IGF2BP2: variants seen among roughly 807,000 people sequenced by gnomAD.
The protein encoded by IGF2BP2 is insulin-like growth factor 2 mRNA-binding protein 2.
Under a neutral mutation model 75.8 loss-of-function variants are expected in IGF2BP2, and 17 were observed. The ratio of observed to expected loss-of-function variants is 0.22; its 90% CI spans 0.15 to 0.34. The LOEUF (loss-of-function observed/expected upper bound fraction) is 0.34. Among genes scored for constraint, IGF2BP2 ranks in the 10% least tolerant of loss-of-function variants. The pLI is 1.00. For missense variants in IGF2BP2, 516 were observed against 772.4 expected (o/e 0.67, Z 3.93); for synonymous variants, 288 against 295.6 (o/e 0.97, Z 0.26).
chr3:185,676,269 A>G (rs1259877197), intron 7 of IGF2BP2, among the ~76,000 whole-genome samples: 1 of 152,182 alleles, frequency 6.6e-6, no homozygotes, highest in African/African-American at 2.4e-5. Context: ...AGGAAGCCAC[A>G]GGTCTCTTTC....
chr3:185,739,179 G>A (rs759129654), intron 2 of IGF2BP2, among the ~76,000 whole-genome samples: 2 of 152,090 alleles, frequency 1.3e-5, no homozygotes, highest in East Asian at 1.9e-4. Flanking sequence ...GGATTACAAC[G>A]GTGGACTTAA....
intron 13 of IGF2BP2, among the ~76,000 whole-genome samples, chr3:185,650,576 T>C (rs1000052071): frequency 8.6e-5 from 13 of 151,828 alleles, no homozygotes; most frequent in African/African-American, 3.1e-4. Context: ...ACTCAGGAGG[T>C]TGAAGCACGA....
chr3:185,770,943 G>A (rs919401033), intron 2 of IGF2BP2, among the ~76,000 whole-genome samples: 4 of 152,238 alleles, frequency 2.6e-5, no homozygotes, highest in African/African-American at 9.6e-5. Context: ...TAGAGAGGGA[G>A]ACTCACTATG....
intron 4 of IGF2BP2, among the ~76,000 whole-genome samples, chr3:185,695,756 C>G (rs1407344180): frequency 6.6e-6 from 1 of 152,156 alleles, no homozygotes; most frequent in Non-Finnish European, 1.5e-5. Flanking sequence ...GACAGGTGTT[C>G]TCAAACTTGA....
At chr3:185,650,596 G>A (rs182383746) in intron 13 of IGF2BP2, among the ~76,000 whole-genome samples, 18 of 151,860 alleles carry the variant, frequency 1.2e-4, no homozygotes, top group Non-Finnish European at 2.6e-4. Flanking sequence ...ACAATCACTT[G>A]AACCCGAGAG....
At position 185,824,954 on chromosome 3, in the gene IGF2BP2, T is replaced by C; in HGVS notation, c.7A>G (p.Asn3Asp). 1 of 1,534,700 alleles carries C rather than the reference T, an allele frequency of 6.5e-7. No homozygotes were observed. Among genetic ancestry groups the C allele is most frequent in the Non-Finnish European group, 8.8e-7 (1 of 1,132,860 alleles). Residue 3 changes from asparagine (N) to aspartate (D), a missense_variant, in exon 1 of 16, where the codon AAC becomes GAC. Physicochemically the swap from Asn to Asp is conservative, Grantham distance 23. Transcript: ENST00000382199. ...CTCAGGTTCCCGATGTAAAGCTTGT[T>C]CATCATCCGTCTCTTCCCCGAGAGC... is the stretch of plus-strand genomic sequence containing the variant. Reference protein sequence around the residue: MMNKLYIGNLSPA... With the variant: MMDKLYIGNLSPA...
intron 2 of IGF2BP2, among the ~76,000 whole-genome samples, chr3:185,768,890 G>C (rs1284961551): frequency 6.6e-6 from 1 of 152,178 alleles, no homozygotes; most frequent in African/African-American, 2.4e-5. Context: ...AGCCAGATGT[G>C]GTGGCATGCG....
chr3:185,744,787 A>C (rs757606413), intron 2 of IGF2BP2, among the ~76,000 whole-genome samples: 2 of 152,200 alleles, frequency 1.3e-5, no homozygotes, highest in African/African-American at 2.4e-5. Flanking sequence ...CCAGGCGGGG[A>C]GACAGAGTGA....
intron 2 of IGF2BP2, among the ~76,000 whole-genome samples, chr3:185,706,005 C>T (rs747912770): frequency 3.3e-5 from 5 of 152,198 alleles, no homozygotes; most frequent in Non-Finnish European, 7.3e-5. Flanking sequence ...TACTAGCTCA[C>T]AAAAAGACCT....
chr3:185,664,453 G>A (rs1208206582), intron 10 of IGF2BP2, among the ~76,000 whole-genome samples: 1 of 152,206 alleles, frequency 6.6e-6, no homozygotes, highest in Non-Finnish European at 1.5e-5. Flanking sequence ...TCACCAGCAT[G>A]AAGGAGAGAA....
At position 185,649,460 on chromosome 3, in the gene IGF2BP2, C is replaced by A. The variant is rs757747673; in HGVS notation, c.1536G>T (p.Ala512=). ...FNPKEEVKLE[A]HIRVPSSTAG... ...CTGTGGAAGAGGGCACTCTGATATG[C>A]GCTTCCAGCTTCACTTCTTCTTTGG... The change falls in exon 14 of 16, where the codon GCG becomes GCT. Residue 512 remains alanine, a synonymous_variant. Coordinates refer to ENST00000382199, the MANE Select transcript of IGF2BP2 (RefSeq NM_006548.6). 1.2e-6 allele frequency: 2 copies of A among 1,614,130 alleles called. No homozygotes were observed. The highest frequency in any genetic ancestry group is 1.7e-5 in the Admixed American group (1 of 60,022).
chr3:185,741,065 G>A (rs1179259303), intron 2 of IGF2BP2, among the ~76,000 whole-genome samples: 13 of 151,940 alleles, frequency 8.6e-5, no homozygotes, highest in Admixed American at 3.9e-4. Flanking sequence ...TAGTAGAGAC[G>A]GGGTTTCACT....
intron 2 of IGF2BP2, among the ~76,000 whole-genome samples, chr3:185,788,623 G>A (rs1010868742): frequency 2.0e-4 from 30 of 151,544 alleles, no homozygotes; most frequent in African/African-American, 6.8e-4. Flanking sequence ...ATAAGTGCTA[G>A]TCTGGGTTCC....
chr3:185,726,978 G>A (rs1379777020), intron 2 of IGF2BP2, among the ~76,000 whole-genome samples: 2 of 152,158 alleles, frequency 1.3e-5, no homozygotes, highest in East Asian at 1.9e-4. Flanking sequence ...CAGCACTTTG[G>A]GAGGCCAAGG....
At chr3:185,809,432 T>A (rs1374043290) in intron 2 of IGF2BP2, among the ~76,000 whole-genome samples, 1 of 152,174 alleles carries the variant, frequency 6.6e-6, no homozygotes, top group Non-Finnish European at 1.5e-5. Context: ...AAAATGCCCA[T>A]GAAGAAATGT....
chr3:185,781,625 T>C (rs952886015), intron 2 of IGF2BP2, among the ~76,000 whole-genome samples: 1 of 152,218 alleles, frequency 6.6e-6, no homozygotes, highest in Non-Finnish European at 1.5e-5. Flanking sequence ...TGGACATATA[T>C]GCATGCCTTT....
chr3:185,814,815 T>C (rs753709934), intron 2 of IGF2BP2, among the ~76,000 whole-genome samples: 21 of 152,152 alleles, frequency 1.4e-4, no homozygotes, highest in Non-Finnish European at 2.4e-4. Context: ...ATAAGATACT[T>C]AAGTATTGTA....
intron 10 of IGF2BP2, among the ~76,000 whole-genome samples, chr3:185,659,642 ATATGAT>A (rs1007162198): frequency 4.6e-5 from 7 of 151,290 alleles, no homozygotes; most frequent in East Asian, 2.0e-4. Context: ...TCCCAAAGTG[ATATGAT>A]TATAAGTGTG....
intron 2 of IGF2BP2, among the ~76,000 whole-genome samples, chr3:185,705,782 T>A (rs1452694914): frequency 6.6e-6 from 1 of 152,184 alleles, no homozygotes; most frequent in Non-Finnish European, 1.5e-5. Context: ...AAGGACTAGA[T>A]ATCTCTCTGG....
Sources: allele counts gnomAD v4.1 joint callset (sites outside exome capture counted in the v4.1 genomes callset), GRCh38; gene constraint gnomAD v4.1.1; transcripts MANE v1.5; gene names NCBI Gene and HGNC (gene_info 2026-07-23, HGNC 2026-07-21).